AGBL3: variants seen among roughly 807,000 people sequenced by gnomAD.
The protein encoded by AGBL3 is AGBL carboxypeptidase 3, also known as cytosolic carboxypeptidase 3.
Under a neutral mutation model 94.5 loss-of-function variants are expected in AGBL3, and 68 were observed. The observed-to-expected ratio is 0.72, with a 90% CI of 0.59 to 0.88. AGBL3 has a LOEUF of 0.88. AGBL3 is among the 40% of genes least tolerant of loss of function. The pLI is 0.00. For missense variants in AGBL3, 934 were observed against 1,103.8 expected, an observed-to-expected ratio of 0.85 and a Z score of 2.18; for synonymous variants, 354 against 370.7, an observed-to-expected ratio of 0.95 and a Z score of 0.52.
chr7:135,067,735 C>T (rs1819483055), intron 12 of AGBL3, among the ~76,000 whole-genome samples: 1 of 152,200 alleles, frequency 6.6e-6, no homozygotes, highest in Non-Finnish European at 1.5e-5. Flanking sequence ...AAAACCCCAT[C>T]TGTTCATCAC....
At chr7:135,116,854 C>G (rs1035557254) in intron 16 of AGBL3, among the ~76,000 whole-genome samples, 5 of 152,144 alleles carry the variant, frequency 3.3e-5, no homozygotes, top group Non-Finnish European at 5.9e-5. Flanking sequence ...TGGTCCTTTT[C>G]TACACAGTAC....
At chr7:135,106,999 A>G (rs1169501255) in intron 15 of AGBL3, among the ~76,000 whole-genome samples, 1 of 152,160 alleles carries the variant, frequency 6.6e-6, no homozygotes, top group Non-Finnish European at 1.5e-5. Flanking sequence ...GTTTGTGTGC[A>G]TAGACATGTT....
intron 8 of AGBL3, among the ~76,000 whole-genome samples, chr7:135,039,155 A>C (rs917671307): frequency 6.6e-6 from 1 of 152,194 alleles, no homozygotes; most frequent in African/African-American, 2.4e-5. Flanking sequence ...AACATAAATC[A>C]CATCCTGGTT....
chr7:135,057,628 C>T (rs1260359649), intron 11 of AGBL3, among the ~76,000 whole-genome samples: 1 of 152,138 alleles, frequency 6.6e-6, no homozygotes. Flanking sequence ...GCCAGTTTGG[C>T]AGTTTACAAA....
intron 12 of AGBL3, among the ~76,000 whole-genome samples, chr7:135,061,256 A>G (rs553862309): frequency 6.6e-6 from 1 of 151,602 alleles, no homozygotes; most frequent in Admixed American, 6.6e-5. Flanking sequence ...TTTTCTTACT[A>G]TTGAGTTCCT....
chr7:135,028,794 G>A (rs184872828), intron 5 of AGBL3, among the ~76,000 whole-genome samples: 10 of 152,280 alleles, frequency 6.6e-5, no homozygotes, highest in African/African-American at 2.2e-4. Flanking sequence ...CTCTAGGCCA[G>A]CTATAGCCTT....
At chr7:135,050,562 T>C (rs1817778524) in intron 11 of AGBL3, among the ~76,000 whole-genome samples, 1 of 18 alleles carries the variant, frequency 0.056, no homozygotes, top group Admixed American at 0.25. Flanking sequence ...GCTCTGATGT[T>C]TGGCTGCATA....
At chr7:135,097,447 T>G (rs1476913966) in intron 15 of AGBL3, among the ~76,000 whole-genome samples, 1 of 152,174 alleles carries the variant, frequency 6.6e-6, no homozygotes, top group Non-Finnish European at 1.5e-5. Flanking sequence ...AACCAAATAT[T>G]GCTAGCTAAT....
At chr7:135,037,766 G>T (rs1034341696) in intron 8 of AGBL3, among the ~76,000 whole-genome samples, 186 bp downstream of exon 8, 1 of 151,828 alleles carries the variant, frequency 6.6e-6, no homozygotes, top group African/African-American at 2.4e-5. Context: ...TTGAAAATAT[G>T]GGGAAAAAAG....
At chr7:135,047,489 C>T (rs1010440024) in intron 11 of AGBL3, among the ~76,000 whole-genome samples, 1 of 151,910 alleles carries the variant, frequency 6.6e-6, no homozygotes, top group African/African-American at 2.4e-5. Flanking sequence ...GTTTTGTATT[C>T]CCACCATAGT....
chr7:135,122,188 T>C (rs1827232960), intron 16 of AGBL3, among the ~76,000 whole-genome samples: 1 of 152,188 alleles, frequency 6.6e-6, no homozygotes, highest in Non-Finnish European at 1.5e-5. Context: ...AGGCTGTGCT[T>C]TTCCTCTGCT....
At chr7:135,036,786 T>C (rs1816353621) in intron 7 of AGBL3, among the ~76,000 whole-genome samples, 1 of 152,124 alleles carries the variant, frequency 6.6e-6, no homozygotes, top group Non-Finnish European at 1.5e-5. Flanking sequence ...GATATTTCAG[T>C]CAGAAAGAAA....
chr7:135,036,106 A>G (rs73725211), intron 7 of AGBL3, among the ~76,000 whole-genome samples: 4,791 of 152,140 alleles, frequency 0.031, 247 homozygotes, highest in African/African-American at 0.11. Flanking sequence ...CAAATGTAAT[A>G]TATTTCATAA....
intron 15 of AGBL3, among the ~76,000 whole-genome samples, chr7:135,083,240 T>C (rs1378085476): frequency 6.6e-6 from 1 of 152,120 alleles, no homozygotes; most frequent in Non-Finnish European, 1.5e-5. Flanking sequence ...GCCACCAATA[T>C]TGTCATTCTA....
At chr7:135,035,796 G>A (rs1247130480) in intron 7 of AGBL3, among the ~76,000 whole-genome samples, 1 of 152,092 alleles carries the variant, frequency 6.6e-6, no homozygotes, top group East Asian at 1.9e-4. Context: ...ATAAGAAACT[G>A]AAAGACTGAG....
At chr7:135,042,314 C>T (rs1816933152) in intron 8 of AGBL3, among the ~76,000 whole-genome samples, 1 of 152,172 alleles carries the variant, frequency 6.6e-6, no homozygotes, top group South Asian at 2.1e-4. Context: ...TTAGTACACC[C>T]ATACAATGGA....
chr7:134,987,996 G>A lies in AGBL3; in HGVS notation c.63G>A (p.Ser21=), dbSNP rs964565767. 9.1e-6 allele frequency: 14 copies of A among 1,534,928 alleles called. No individual in the cohort carries two copies. The highest frequency in any genetic ancestry group is 2.5e-5 in the East Asian group (1 of 40,068). ...GAACAATCAGTGATGAAGATGAATC[G>A]GTATGTTTTTCTCAACTTTATTTTA... ...SDRTISDEDE[S]DEDMFMKFVS... is the part of the protein sequence containing the mutation. The change falls in exon 2 of 17, where the codon TCG becomes TCA. Residue 21 remains serine (S), a splice_region_variant and synonymous_variant. Coordinates refer to ENST00000436302, the MANE Select transcript of AGBL3 (RefSeq NM_178563.4).
At chr7:135,043,067 T>C (rs924041629) in intron 8 of AGBL3, among the ~76,000 whole-genome samples, 1 of 152,188 alleles carries the variant, frequency 6.6e-6, no homozygotes, top group Admixed American at 6.5e-5. Context: ...TAAAGAATCT[T>C]TATTTTTGAA....
At chr7:135,094,628 G>A (rs1203462330) in intron 15 of AGBL3, 1 of 432,098 alleles carries the variant, frequency 2.3e-6, no homozygotes, top group African/African-American at 2.0e-5. Flanking sequence ...TACACCCAGA[G>A]CATTCTCCGT....
Sources: gnomAD v4.1 joint callset for allele counts (sites outside exome capture counted in the v4.1 genomes callset) on GRCh38, gnomAD v4.1.1 for gene constraint, MANE v1.5 for transcripts, NCBI Gene and HGNC (gene_info 2026-07-23, HGNC 2026-07-21) for gene names.